HSD17B4: variants seen among roughly 807,000 people sequenced by gnomAD.
The protein encoded by HSD17B4 is peroxisomal multifunctional enzyme type 2.
HSD17B4 carries 70 observed loss-of-function variants against 101.0 expected under a neutral mutation model. The ratio of observed to expected loss-of-function variants is 0.69; its 90% CI spans 0.57 to 0.85. The LOEUF (loss-of-function observed/expected upper bound fraction) is 0.85, where lower values mean the gene tolerates loss of function less well. Ranked by LOEUF, HSD17B4 falls within the 40% of genes least tolerant of loss-of-function variation. The pLI is 0.00. For missense variants in HSD17B4, 984 were observed against 892.4 expected (o/e 1.10, Z -1.31); for synonymous variants, 347 against 297.1 (o/e 1.17, Z -1.73).
In HSD17B4 at chr5:119,456,297, T is replaced by G; in HGVS notation, c.59-18T>G. The stretch of plus-strand genomic sequence containing the variant: ...GCTGACATTTCTTCAACTTTCTGAT[T>G]ATTTTGTTTTTGATTAGGATTGGGC... On this transcript the variant is annotated intron_variant, in intron 1 of 23. Transcript: ENST00000510025. The G allele has an allele frequency of 6.3e-7, 1 of 1,589,640 alleles. No individual in the cohort carries two copies. Among genetic ancestry groups the G allele is most frequent in the South Asian group, 1.1e-5 (1 of 90,584 alleles).
chr5:119,496,671 G>A (rs763730178), intron 12 of HSD17B4, 25 bp downstream of exon 12: 16 of 1,265,104 alleles, frequency 1.3e-5, no homozygotes, highest in Admixed American at 3.4e-5. Context: ...AGCCTAAAGC[G>A]TTTGCCTTCT....
At chr5:119,513,371 ATGTTCTTTTTCTT>A (rs1752339895) in intron 16 of HSD17B4, among the ~76,000 whole-genome samples, 1 of 151,962 alleles carries the variant, frequency 6.6e-6, no homozygotes, top group Non-Finnish European at 1.5e-5. Context: ...TTTTAACTGT[ATGTTCTTTTTCTT>A]TGTTCTTTTT....
chr5:119,533,014 A>T (rs1275718920), intron 22 of HSD17B4, among the ~76,000 whole-genome samples: 1 of 152,106 alleles, frequency 6.6e-6, no homozygotes, highest in Non-Finnish European at 1.5e-5. Flanking sequence ...GCCTTTTGTA[A>T]TATGGAATAC....
intron 2 of HSD17B4, among the ~76,000 whole-genome samples, chr5:119,463,810 A>G (rs1471883469): frequency 6.6e-6 from 1 of 151,492 alleles, no homozygotes; most frequent in Admixed American, 6.6e-5. Flanking sequence ...CTGGGACTAC[A>G]GGCACCTGCC....
intron 9 of HSD17B4, 95 bp from the exon 10 acceptor site, chr5:119,492,005 A>T: frequency 1.1e-6 from 1 of 911,792 alleles, no homozygotes; most frequent in Non-Finnish European, 1.9e-6. Context: ...GAATTCTAAT[A>T]CTGCTAGTAG....
intron 1 of HSD17B4, chr5:119,452,892 T>C: frequency 6.6e-7 from 1 of 1,521,436 alleles, no homozygotes; most frequent in South Asian, 1.2e-5. Flanking sequence ...GAGGCCAGGC[T>C]GGGCTGCTGA....
intron 1 of HSD17B4, among the ~76,000 whole-genome samples, chr5:119,455,205 A>C (rs895418164): frequency 6.6e-6 from 1 of 152,110 alleles, no homozygotes; most frequent in Non-Finnish European, 1.5e-5. Context: ...TTTTCCCGAG[A>C]TACTCTATGC....
chr5:119,461,950 G>A (rs1370577450), intron 2 of HSD17B4, among the ~76,000 whole-genome samples: 13 of 152,054 alleles, frequency 8.5e-5, no homozygotes, highest in Admixed American at 8.5e-4. Flanking sequence ...ACAAAATTTT[G>A]GGAATGCTTT....
At position 119,502,026 on chromosome 5, in the gene HSD17B4, T is replaced by C; in HGVS notation, c.1210-15T>C. ...AAGAAAGTTTGCTAATAAAATTTTG[T>C]TTACCCTAACATAGGTTCTTCATGG... is the stretch of plus-strand genomic sequence containing the variant. On this transcript the variant is annotated splice_polypyrimidine_tract_variant and intron_variant, in intron 13 of 23. Coordinates refer to ENST00000510025, the MANE Select transcript of HSD17B4 (RefSeq NM_000414.4). The C allele has an allele frequency of 1.3e-6, 2 of 1,579,634 alleles. No homozygotes were observed. Among genetic ancestry groups the C allele is most frequent in the Admixed American group, 1.7e-5 (1 of 59,888 alleles).
At chr5:119,468,760 C>A (rs1166775035) in intron 2 of HSD17B4, among the ~76,000 whole-genome samples, 6 of 151,656 alleles carry the variant, frequency 4.0e-5, no homozygotes, top group Admixed American at 3.3e-4. Context: ...TAATGGTGTC[C>A]CATTACTACC....
At chr5:119,502,505 CT>C (rs150987924) in intron 14 of HSD17B4, among the ~76,000 whole-genome samples, 3,347 of 146,010 alleles carry the variant, frequency 0.023, 123 homozygotes, top group African/African-American at 0.079. Flanking sequence ...TCATTTTTTT[CT>C]TTTTTTTTGG....
chr5:119,504,545 A>AT (rs1414774717), intron 14 of HSD17B4, among the ~76,000 whole-genome samples: 4 of 152,016 alleles, frequency 2.6e-5, no homozygotes, highest in South Asian at 4.2e-4. Flanking sequence ...GTTATGAAGC[A>AT]TTTTTTTTAT....
intron 14 of HSD17B4, among the ~76,000 whole-genome samples, chr5:119,502,590 T>G (rs983248785): frequency 1.3e-5 from 2 of 150,976 alleles, no homozygotes; most frequent in Non-Finnish European, 2.9e-5. Context: ...GTAAATCTCT[T>G]TTAATTTTTT....
intron 17 of HSD17B4, among the ~76,000 whole-genome samples, chr5:119,519,848 A>G (rs1450044520): frequency 6.6e-6 from 1 of 152,200 alleles, no homozygotes; most frequent in African/African-American, 2.4e-5. Context: ...TGCTTCTACT[A>G]AACGATCACA....
intron 13 of HSD17B4, among the ~76,000 whole-genome samples, chr5:119,500,332 ATATACATTGTATATAGT>A (rs528637685): frequency 1.1e-3 from 165 of 152,252 alleles, no homozygotes; most frequent in African/African-American, 3.2e-3. Flanking sequence ...GGGTGCATAT[ATATACATTGTATATAGT>A]TATACATTGT....
intron 13 of HSD17B4, among the ~76,000 whole-genome samples, chr5:119,500,341 G>A (rs1751046263): frequency 6.6e-6 from 1 of 151,532 alleles, no homozygotes; most frequent in African/African-American, 2.4e-5. Flanking sequence ...TATATACATT[G>A]TATATAGTTA....
intron 16 of HSD17B4, among the ~76,000 whole-genome samples, chr5:119,514,666 T>G (rs1455383121): frequency 6.6e-6 from 1 of 152,222 alleles, no homozygotes; most frequent in Non-Finnish European, 1.5e-5. Flanking sequence ...TGTCTAATTC[T>G]TGTAGTTGTT....
In HSD17B4 at chr5:119,534,258, A is replaced by C. The variant is rs185789568; in HGVS notation, c.1994-2165A>C. Reference sequence around the variant, plus strand: ...GCAAGATACTATGGATTTTTGTTTGAATATTGTTTTTGTTTGAATAAATAA... The same window carrying C: ...GCAAGATACTATGGATTTTTGTTTGCATATTGTTTTTGTTTGAATAAATAA... On this transcript the variant is annotated intron_variant, in intron 22 of 23. Coordinates refer to ENST00000510025, the MANE Select transcript of HSD17B4 (RefSeq NM_000414.4). Among the ~76,000 whole-genome samples, 14 of 152,140 alleles carry C rather than the reference A, an allele frequency of 9.2e-5. No individual in the cohort carries two copies. In the East Asian group the frequency reaches 2.1e-3, roughly 23 times the overall value.
intron 20 of HSD17B4, among the ~76,000 whole-genome samples, chr5:119,528,819 A>G (rs1261655991): frequency 6.6e-6 from 1 of 152,008 alleles, no homozygotes; most frequent in Non-Finnish European, 1.5e-5. Flanking sequence ...TCTTTTCAGC[A>G]TATTTGCTAT....
Sources: allele counts gnomAD v4.1 joint callset (sites outside exome capture counted in the v4.1 genomes callset), GRCh38; gene constraint gnomAD v4.1.1; transcripts MANE v1.5; gene names NCBI Gene and HGNC (gene_info 2026-07-23, HGNC 2026-07-21).